RORA: variants seen among roughly 807,000 people sequenced by gnomAD.
RORA encodes nuclear receptor ROR-alpha.
A neutral mutation model predicts 69.5 loss-of-function variants in RORA; 7 were observed. The observed-to-expected ratio is 0.10, with a 90% CI of 0.06 to 0.19. RORA has a LOEUF of 0.19. Among genes scored for constraint, RORA ranks in the 10% least tolerant of loss-of-function variants. The pLI, the probability that RORA is intolerant of heterozygous loss-of-function variation, is 1.00. For synonymous variants in RORA, 261 were observed against 240.8 expected (o/e 1.08, Z -0.78); for missense variants, 457 against 663.0 (o/e 0.69, Z 3.41).
chr15:60,947,913 C>T (rs1042061061), intron 1 of RORA, among the ~76,000 whole-genome samples: 1 of 152,110 alleles, frequency 6.6e-6, no homozygotes, highest in Non-Finnish European at 1.5e-5. Context: ...TATTTGTGGG[C>T]ATCAGAAGTG....
At chr15:61,166,376 G>A (rs2079539884) in intron 1 of RORA, among the ~76,000 whole-genome samples, 2 of 152,112 alleles carry the variant, frequency 1.3e-5, no homozygotes, top group South Asian at 2.1e-4. Context: ...TTGTGAATCT[G>A]TTTAGAGAGG....
chr15:60,809,138 C>G (rs1463982448), intron 1 of RORA, among the ~76,000 whole-genome samples: 1 of 151,826 alleles, frequency 6.6e-6, no homozygotes. Flanking sequence ...CTCATGTAAC[C>G]AAACGCCACT....
chr15:60,920,105 C>G (rs1318766106), intron 1 of RORA, among the ~76,000 whole-genome samples: 1 of 152,180 alleles, frequency 6.6e-6, no homozygotes, highest in Admixed American at 6.5e-5. Flanking sequence ...ACAGCTTCAG[C>G]AGCACTATCT....
chr15:60,723,200 G>C (rs1185981232), intron 1 of RORA, among the ~76,000 whole-genome samples: 1 of 151,998 alleles, frequency 6.6e-6, no homozygotes, highest in African/African-American at 2.4e-5. Context: ...TTTATAAAAA[G>C]GCTAACCATT....
intron 1 of RORA, among the ~76,000 whole-genome samples, chr15:60,849,742 C>G (rs1364844882): frequency 6.6e-6 from 1 of 152,184 alleles, no homozygotes; most frequent in Non-Finnish European, 1.5e-5. Flanking sequence ...ATTGCGATGT[C>G]TCTGAATGTG....
In RORA at chr15:60,524,279, C is replaced by T. The variant is rs74648854; in HGVS notation, c.282+7487G>A. On this transcript the variant is annotated intron_variant, in intron 3 of 10. Coordinates refer to ENST00000335670, the MANE Select transcript of RORA (RefSeq NM_134261.3). ...GGGACCCCTGCTTCCATTCTCATTC[C>T]CTCCAATCCATTTCACACAGTTACT... Among the ~76,000 whole-genome samples the T allele has an allele frequency of 8.4e-3, 1,278 of 152,146 alleles. 26 individuals carry two copies. The highest frequency in any genetic ancestry group is 0.029 in the African/African-American group (1,222 of 41,468).
At chr15:61,004,088 T>A (rs560829335) in intron 1 of RORA, among the ~76,000 whole-genome samples, 1 of 152,258 alleles carries the variant, frequency 6.6e-6, no homozygotes, top group South Asian at 2.1e-4. Flanking sequence ...ACGGTTCAGA[T>A]CCCAGAGTGA....
intron 2 of RORA, among the ~76,000 whole-genome samples, chr15:60,597,266 A>G (rs952480298): frequency 6.6e-6 from 1 of 151,778 alleles, no homozygotes; most frequent in Non-Finnish European, 1.5e-5. Context: ...TCATACACCT[A>G]TTAGGAAATT....
intron 1 of RORA, among the ~76,000 whole-genome samples, chr15:60,924,089 C>T (rs903526113): frequency 6.6e-6 from 1 of 152,160 alleles, no homozygotes; most frequent in Non-Finnish European, 1.5e-5. Flanking sequence ...GGCACTTGCT[C>T]TCCTCTCTCC....
intron 1 of RORA, among the ~76,000 whole-genome samples, chr15:60,868,450 A>G (rs2073514568): frequency 6.6e-6 from 1 of 152,202 alleles, no homozygotes; most frequent in Admixed American, 6.5e-5. Context: ...GGACTTGTGC[A>G]TTGAAAGCTG....
At chr15:60,786,403 A>G (rs1172262477) in intron 1 of RORA, among the ~76,000 whole-genome samples, 1 of 152,238 alleles carries the variant, frequency 6.6e-6, no homozygotes, top group Non-Finnish European at 1.5e-5. Flanking sequence ...AACCAACTCT[A>G]CAAAGAGTCT....
chr15:61,004,292 G>C (rs1244239025), intron 1 of RORA, among the ~76,000 whole-genome samples: 1 of 151,540 alleles, frequency 6.6e-6, no homozygotes, highest in African/African-American at 2.4e-5. Context: ...AAGAGAGAGA[G>C]ACAGACTAAT....
In RORA at chr15:60,633,363, T is replaced by C. The variant is rs1397919371; in HGVS notation, c.196+45294A>G. ...GATGTATATTATTTGTGTGGAAGCA[T>C]AGTGTGATTTTTCTCAAACCACAAA... On this transcript the variant is annotated intron_variant, in intron 2 of 10. Transcript: ENST00000335670. Among the ~76,000 whole-genome samples, 4 of 152,360 alleles carry C rather than the reference T, an allele frequency of 2.6e-5. No homozygotes were observed. The East Asian group carries it at 7.7e-4, about 29-fold the overall frequency.
At chr15:60,561,037 A>G (rs894168529) in intron 2 of RORA, among the ~76,000 whole-genome samples, 2 of 148,254 alleles carry the variant, frequency 1.3e-5, no homozygotes, top group African/African-American at 5.0e-5. Context: ...GTTTTTATAC[A>G]TGGGAAGTTT....
intron 1 of RORA, among the ~76,000 whole-genome samples, chr15:60,710,412 C>T (rs1377537298): frequency 2.0e-5 from 3 of 151,976 alleles, no homozygotes; most frequent in South Asian, 4.1e-4. Context: ...CGCTTGAACC[C>T]GAGAGGCGGA....
At position 60,919,217 on chromosome 15, in the gene RORA, C is replaced by G. The variant is rs1595816537; in HGVS notation, c.167-240531G>C. 2.6e-5 allele frequency among the ~76,000 whole-genome samples: 4 copies of G among 152,256 alleles called. No homozygotes were observed. The South Asian group carries it at 8.3e-4, about 32-fold the overall frequency. On this transcript the variant is annotated intron_variant, in intron 1 of 10. Transcript: ENST00000335670. ...CTTGCTATTGATTCTCACTGGATAT[C>G]ACTGGGCATGGGGAGGAGAAACCCA...
At chr15:61,223,611 G>A (rs776282094) in intron 1 of RORA, among the ~76,000 whole-genome samples, 1 of 152,152 alleles carries the variant, frequency 6.6e-6, no homozygotes, top group Non-Finnish European at 1.5e-5. Flanking sequence ...GTTCTATAAT[G>A]TACAATTGGA....
chr15:60,678,109 T>G (rs2070580121), intron 2 of RORA: 2 of 152,582 alleles, frequency 1.3e-5, no homozygotes, highest in Non-Finnish European at 2.9e-5. Flanking sequence ...GTGGGATGAA[T>G]ACAGAGCATA....
intron 1 of RORA, among the ~76,000 whole-genome samples, chr15:61,179,312 T>C (rs1266273448): frequency 6.6e-6 from 1 of 152,212 alleles, no homozygotes; most frequent in Non-Finnish European, 1.5e-5. Context: ...TGATGTGTGA[T>C]ACCACCACAC....
Sources: allele counts gnomAD v4.1 joint callset (sites outside exome capture counted in the v4.1 genomes callset), GRCh38; gene constraint gnomAD v4.1.1; transcripts MANE v1.5; gene names NCBI Gene and HGNC (gene_info 2026-07-23, HGNC 2026-07-21).